The following TENM3 variants were observed in gnomAD, a reference collection of about 807,000 sequenced individuals.
TENM3 encodes teneurin transmembrane protein 3, also known as teneurin-3.
Under a neutral mutation model 255.1 loss-of-function variants are expected in TENM3, and 63 were observed. The observed-to-expected ratio is 0.25, with a 90% CI of 0.20 to 0.30. The LOEUF (loss-of-function observed/expected upper bound fraction) is 0.30. Ranked by LOEUF, TENM3 falls within the 10% of genes least tolerant of loss-of-function variation. The pLI, the probability that TENM3 is intolerant of heterozygous loss-of-function variation, is 1.00. For synonymous variants in TENM3, 1,306 were observed against 1,322.3 expected (o/e 0.99, Z 0.27); for missense variants, 2,929 against 3,461.1 (o/e 0.85, Z 3.86).
the TENM3 span, among the ~76,000 whole-genome samples, chr4:181,788,816 T>C: frequency 6.6e-6 from 1 of 152,214 alleles, no homozygotes; most frequent in African/African-American, 2.4e-5. Context: ...CAGGCTGGTC[T>C]CAAGCTGTTG....
chr4:182,609,863 T>C (rs1187183473), intron 4 of TENM3, among the ~76,000 whole-genome samples: 3 of 152,254 alleles, frequency 2.0e-5, no homozygotes, highest in African/African-American at 7.2e-5. Flanking sequence ...ATGCTTCAGT[T>C]TCTTTGCTTT....
At chr4:182,146,597 A>T (rs1227869926) in intron 1 of TENM3, among the ~76,000 whole-genome samples, 1 of 152,166 alleles carries the variant, frequency 6.6e-6, no homozygotes, top group Admixed American at 6.5e-5. Context: ...GTAAACAAAT[A>T]TATCTTATGT....
chr4:182,361,733 C>T (rs1303713600), intron 3 of TENM3, among the ~76,000 whole-genome samples: 8 of 152,128 alleles, frequency 5.3e-5, no homozygotes, highest in South Asian at 2.1e-4. Flanking sequence ...AGTCATTCTC[C>T]GTCCAGCTTT....
chr4:182,140,990 T>TCCCCCCCCCCCCCCCCCCCACCCCCCCCC (rs994991428), upstream of TENM3, among the ~76,000 whole-genome samples: 1 of 56,280 alleles, frequency 1.8e-5, no homozygotes, highest in Non-Finnish European at 4.1e-5. Context: ...ATTATATCCC[T>TCCCCCCCCCCCCCCCCCCCACCCCCCCCC]CCCCCCCGCC....
At chr4:182,660,621 G>A (rs1754149764) in intron 6 of TENM3, among the ~76,000 whole-genome samples, 2 of 152,106 alleles carry the variant, frequency 1.3e-5, no homozygotes, top group South Asian at 4.1e-4. Flanking sequence ...AATCAGCATC[G>A]GTAGTATCCT....
chr4:181,961,460 A>G, the TENM3 span, among the ~76,000 whole-genome samples: 4 of 152,132 alleles, frequency 2.6e-5, no homozygotes, highest in East Asian at 1.9e-4. Context: ...TCACTCTGTC[A>G]CCTAGGCTGG....
At chr4:181,558,334 C>T in the TENM3 span, among the ~76,000 whole-genome samples, 1 of 152,184 alleles carries the variant, frequency 6.6e-6, no homozygotes, top group Non-Finnish European at 1.5e-5. Context: ...CACTCCACAA[C>T]TGAGTTCAAC....
At chr4:182,265,125 T>A (rs186493832) in intron 1 of TENM3, among the ~76,000 whole-genome samples, 78 of 152,246 alleles carry the variant, frequency 5.1e-4, no homozygotes, top group African/African-American at 1.8e-3. Context: ...AGGCAGGTAG[T>A]TCCCTCTCAA....
chr4:182,501,335 C>G (rs1054804087), intron 3 of TENM3, among the ~76,000 whole-genome samples: 2 of 139,836 alleles, frequency 1.4e-5, no homozygotes, highest in Admixed American at 7.6e-5. Flanking sequence ...CAAAAGTGCT[C>G]TTGAGGTTAA....
the TENM3 span, among the ~76,000 whole-genome samples, chr4:181,981,850 C>T: frequency 6.6e-6 from 1 of 152,154 alleles, no homozygotes; most frequent in African/African-American, 2.4e-5. Flanking sequence ...TCTGACAAGA[C>T]AATCTGTGGC....
At chr4:182,213,768 T>C (rs1755213593) in intron 1 of TENM3, among the ~76,000 whole-genome samples, 1 of 152,166 alleles carries the variant, frequency 6.6e-6, no homozygotes, top group Non-Finnish European at 1.5e-5. Context: ...TTCGCTATTG[T>C]CTAGAGATAA....
At chr4:182,624,641 C>T (rs950907310) in intron 4 of TENM3, among the ~76,000 whole-genome samples, 1 of 152,178 alleles carries the variant, frequency 6.6e-6, no homozygotes, top group African/African-American at 2.4e-5. Flanking sequence ...TTTCTCCCCT[C>T]ACACCATTTT....
chr4:182,490,393 G>A (rs975740657), intron 3 of TENM3, among the ~76,000 whole-genome samples: 1 of 152,092 alleles, frequency 6.6e-6, no homozygotes, highest in Non-Finnish European at 1.5e-5. Flanking sequence ...AATCATATGA[G>A]GTCATTGGTA....
At chr4:182,736,701 C>T in intron 16 of TENM3, 107 bp from the exon 17 acceptor site, 1 of 1,079,342 alleles carries the variant, frequency 9.3e-7, no homozygotes, top group Non-Finnish European at 1.3e-6. Flanking sequence ...AACTAAGACA[C>T]AGAGAGTCAC....
At chr4:182,147,284 C>A (rs994177833) in intron 1 of TENM3, among the ~76,000 whole-genome samples, 1 of 152,104 alleles carries the variant, frequency 6.6e-6, no homozygotes, top group African/African-American at 2.4e-5. Context: ...AAAATGATGT[C>A]TTTGCAATAG....
chr4:181,538,471 C>T, the TENM3 span, among the ~76,000 whole-genome samples: 1 of 146,500 alleles, frequency 6.8e-6, no homozygotes, highest in Non-Finnish European at 1.5e-5. Context: ...GGGAGGGGGG[C>T]GTGGTGGTTA....
intron 1 of TENM3, among the ~76,000 whole-genome samples, chr4:182,256,731 T>C (rs1758426493): frequency 1.3e-5 from 2 of 152,210 alleles, no homozygotes; most frequent in African/African-American, 4.8e-5. Flanking sequence ...AATTTTTTAA[T>C]GAATTTTGAT....
At chr4:182,644,724 A>AG (rs1181552159) in intron 5 of TENM3, among the ~76,000 whole-genome samples, 1 of 152,218 alleles carries the variant, frequency 6.6e-6, no homozygotes, top group Non-Finnish European at 1.5e-5. Context: ...CTACAGAAAC[A>AG]TACTAAGAGT....
At chr4:181,648,945 A>C in the TENM3 span, among the ~76,000 whole-genome samples, 1 of 152,324 alleles carries the variant, frequency 6.6e-6, no homozygotes, top group African/African-American at 2.4e-5. Flanking sequence ...GAGAAACTCT[A>C]CTGCCATTCC....
Sources: gnomAD v4.1 joint callset for allele counts (sites outside exome capture counted in the v4.1 genomes callset) on GRCh38, gnomAD v4.1.1 for gene constraint, MANE v1.5 for transcripts, NCBI Gene and HGNC (gene_info 2026-07-23, HGNC 2026-07-21) for gene names.